Variants in SEMA4D observed in about 807,000 individuals in gnomAD.
SEMA4D encodes the protein semaphorin 4D.
In SEMA4D, 22 loss-of-function variants were observed where a neutral mutation model predicts 74.8. The ratio of observed to expected loss-of-function variants is 0.29; its 90% confidence interval spans 0.21 to 0.42. The LOEUF (loss-of-function observed/expected upper bound fraction) is 0.42. Ranked by LOEUF, SEMA4D falls within the 10% of genes least tolerant of loss-of-function variation. The pLI, the probability that SEMA4D is intolerant of heterozygous loss-of-function variation, is 1.00. For missense variants in SEMA4D, 937 were observed against 1,118.4 expected, an observed-to-expected ratio of 0.84 and a Z score of 2.31; for synonymous variants, 445 against 463.7, an observed-to-expected ratio of 0.96 and a Z score of 0.52.
At chr9:89,411,262 C>T (rs1844472159) in intron 2 of SEMA4D, among the ~76,000 whole-genome samples, 1 of 152,136 alleles carries the variant, frequency 6.6e-6, no homozygotes, top group Non-Finnish European at 1.5e-5. Flanking sequence ...AAGTTATTAA[C>T]CCCAGGGAAG....
chr9:89,477,608 G>A (rs1862090176), intron 1 of SEMA4D, among the ~76,000 whole-genome samples: 1 of 152,174 alleles, frequency 6.6e-6, no homozygotes, highest in South Asian at 2.1e-4. Context: ...TGGCATGACC[G>A]CGACTTTGGG....
chr9:89,397,687 G>A (rs9410473), intron 5 of SEMA4D, among the ~76,000 whole-genome samples: 28,732 of 152,198 alleles, frequency 0.19, 2,949 homozygotes, highest in Middle Eastern at 0.28. Context: ...ACACTGCACC[G>A]CCTGCTTTTC....
At chr9:89,384,586 T>C (rs1287574749) in intron 13 of SEMA4D, 1 of 876,988 alleles carries the variant, frequency 1.1e-6, no homozygotes, top group Non-Finnish European at 1.4e-6. Context: ...ACAACGTGAA[T>C]GTTCTTAATG....
intron 1 of SEMA4D, among the ~76,000 whole-genome samples, chr9:89,482,560 C>T (rs911181574): frequency 1.3e-5 from 2 of 152,180 alleles, no homozygotes; most frequent in Non-Finnish European, 2.9e-5. Flanking sequence ...AAGGAGAGGG[C>T]CCCCAGCCCA....
At chr9:89,424,646 C>T (rs1477979209) in intron 2 of SEMA4D, among the ~76,000 whole-genome samples, 2 of 152,052 alleles carry the variant, frequency 1.3e-5, no homozygotes, top group African/African-American at 4.8e-5. Context: ...CTGTGTCCTG[C>T]CTGGCTTTGG....
rs1471845930 is a variant in SEMA4D, at chr9:89,377,988, G to GA, written c.*715dup. 6.7e-6 allele frequency: 1 copy of GA among 150,250 alleles called. No individual in the cohort carries two copies. The highest frequency in any genetic ancestry group is 1.5e-5 in the Non-Finnish European group (1 of 67,402). 9.3% of individuals were successfully genotyped at this position (150,250 alleles called of 1,614,324 possible). On this transcript the variant is annotated 3_prime_UTR_variant, in exon 16 of 16. Coordinates refer to ENST00000422704, the MANE Select transcript of SEMA4D (RefSeq NM_001371194.2). Reference sequence around the variant, plus strand: ...AAAGTTAAAAAAAAAAAAAGAAAAAGAAAAAAGGTGAGTGGGCTCCGGGGA... The same window carrying GA: ...AAAGTTAAAAAAAAAAAAAGAAAAAGAAAAAAAGGTGAGTGGGCTCCGGGGA...
chr9:89,463,866 G>A (rs921033496), intron 1 of SEMA4D, among the ~76,000 whole-genome samples: 9 of 152,000 alleles, frequency 5.9e-5, no homozygotes, highest in Admixed American at 3.3e-4. Flanking sequence ...CCCAGGAGGT[G>A]GAGGTTGCGG....
chr9:89,443,828 C>T (rs1459056622), intron 2 of SEMA4D, among the ~76,000 whole-genome samples: 9 of 152,244 alleles, frequency 5.9e-5, no homozygotes, highest in Non-Finnish European at 7.3e-5. Context: ...TAAAGCAGTG[C>T]CACAGAAGAT....
chr9:89,453,381 G>A (rs1855098678), intron 2 of SEMA4D, among the ~76,000 whole-genome samples: 2 of 152,212 alleles, frequency 1.3e-5, no homozygotes, highest in Non-Finnish European at 2.9e-5. Flanking sequence ...GAAATCACAC[G>A]CAAGACACAG....
chr9:89,442,270 G>C (rs555244129), intron 2 of SEMA4D, among the ~76,000 whole-genome samples: 89 of 152,348 alleles, frequency 5.8e-4, no homozygotes, highest in Non-Finnish European at 1.1e-3. Context: ...CTGCCACGAG[G>C]GTGGTAGGGG....
At chr9:89,417,659 A>G (rs1167709793) in intron 2 of SEMA4D, among the ~76,000 whole-genome samples, 1 of 152,232 alleles carries the variant, frequency 6.6e-6, no homozygotes, top group Non-Finnish European at 1.5e-5. Context: ...TGACCTGGAG[A>G]GCCCTCTTAT....
At chr9:89,458,595 C>A (rs999307109) in intron 1 of SEMA4D, among the ~76,000 whole-genome samples, 1 of 152,058 alleles carries the variant, frequency 6.6e-6, no homozygotes, top group Non-Finnish European at 1.5e-5. Flanking sequence ...CACGTATACA[C>A]CTATGCACAC....
At position 89,371,964 on chromosome 9, in the gene SEMA4D, GTGGGGTGTGGTGTGTGTC is replaced by G. The variant is rs1392068473; in HGVS notation, c.1882+4851_1882+4868del. On this transcript the variant is annotated intron_variant, in intron 16 of 18. Transcript: ENST00000339861. ...GTGGTGTGTGTGGGGTGTGGTGTGTGTGGGGTGTGGTGTGTGTCTGGGGTGTGGTGTGTGTCTGGGGTG... is the reference window on the plus strand; with the variant it reads ...GTGGTGTGTGTGGGGTGTGGTGTGTGTGGGGTGTGGTGTGTGTCTGGGGTG... Among the ~76,000 whole-genome samples the G allele has an allele frequency of 7.8e-4, 103 of 131,268 alleles. 3 individuals are homozygous for G. Among genetic ancestry groups the G allele is most frequent in the Admixed American group, 1.2e-3 (16 of 12,870 alleles). 86.1% of individuals were successfully genotyped at this position (131,268 alleles called of 152,430 possible).
rs140584138 is a variant in SEMA4D at position 89,463,019 on chromosome 9, G to C, written c.-309-7066C>G. The stretch of plus-strand genomic sequence containing the variant: ...GGCATGTAAGAGAACACAGAAAAGG[G>C]AAACAGAACAAAAGGGTCTGTACTC... On this transcript the variant is annotated intron_variant, in intron 1 of 15. Coordinates refer to ENST00000422704, the MANE Select transcript of SEMA4D (RefSeq NM_001371194.2). 2.1e-3 allele frequency among the ~76,000 whole-genome samples: 258 copies of C among 123,254 alleles called. 1 individual carries two copies. The highest frequency in any genetic ancestry group is 7.2e-3 in the African/African-American group (246 of 33,992). The allele number at this position is 123,254 out of a possible 152,430, so 80.9% of individuals were successfully genotyped here. A position where few individuals can be genotyped will look rare whatever the true frequency, so the allele number is the denominator to read the frequency against.
At chr9:89,389,201 G>A (rs971812175) in intron 9 of SEMA4D, among the ~76,000 whole-genome samples, 154 bp from the exon 10 acceptor site, 1 of 152,198 alleles carries the variant, frequency 6.6e-6, no homozygotes, top group African/African-American at 2.4e-5. Context: ...CCGCAATTAT[G>A]TGAGTGGCCC....
intron 2 of SEMA4D, chr9:89,449,594 G>A (rs1332272712): frequency 1.8e-5 from 17 of 919,854 alleles, no homozygotes; most frequent in Middle Eastern, 3.2e-4. Flanking sequence ...GCAAACTATC[G>A]CCGAGGACCT....
chr9:89,455,582 T>G (rs979341690), intron 2 of SEMA4D, among the ~76,000 whole-genome samples: 1 of 152,122 alleles, frequency 6.6e-6, no homozygotes, highest in African/African-American at 2.4e-5. Flanking sequence ...TGAGGCTGGG[T>G]ACTGGGCTCA....
At position 89,386,042 on chromosome 9, in the gene SEMA4D, C is replaced by G. The variant is rs112745677; in HGVS notation, c.1446+325G>C. 18 of 985,452 alleles carry G rather than the reference C, an allele frequency of 1.8e-5. No individual in the cohort carries two copies. In the African/African-American group the frequency reaches 1.9e-4, roughly 10 times the overall value. The allele number at this position is 985,452 out of a possible 1,614,324, so 61.0% of individuals were successfully genotyped here. On this transcript the variant is annotated intron_variant, in intron 13 of 15. Coordinates refer to ENST00000422704, the MANE Select transcript of SEMA4D (RefSeq NM_001371194.2). ...CCCACAGATGCAGTCTGCACACCCC[C>G]CAAGCTCAGGGCATAAAAAGGTGTC...
Position 89,377,283 on chromosome 9 carries a change from A to C in SEMA4D, c.*1421T>G. The C allele has an allele frequency of 1.9e-6, 1 of 517,844 alleles. No homozygotes were observed. 32.1% of individuals were successfully genotyped at this position (517,844 alleles called of 1,614,324 possible). On this transcript the variant is annotated 3_prime_UTR_variant, in exon 16 of 16. Transcript: ENST00000422704. ...ATTTGGGTACTTTCCAAATGTATAC[A>C]ATTCAAAGTAGAAAAATAAAAACAA...
Sources: allele counts gnomAD v4.1 joint callset (sites outside exome capture counted in the v4.1 genomes callset), GRCh38; gene constraint gnomAD v4.1.1; transcripts MANE v1.5; gene names NCBI Gene and HGNC (gene_info 2026-07-23, HGNC 2026-07-21).